Variants in CFAP97 observed in about 807,000 individuals in gnomAD.
CFAP97 encodes cilia- and flagella-associated protein 97.
In CFAP97, 36 loss-of-function variants were observed where a neutral mutation model predicts 43.1. The ratio of observed to expected loss-of-function variants is 0.84; its 90% CI spans 0.64 to 1.10. CFAP97 has a LOEUF of 1.10. Ranked by LOEUF, CFAP97 falls within the 50% of genes least tolerant of loss-of-function variation. The pLI is 0.00. For synonymous variants in CFAP97, 228 were observed against 225.7 expected (o/e 1.01, Z -0.09); for missense variants, 657 against 620.3 (o/e 1.06, Z -0.63).
intron 1 of CFAP97, among the ~76,000 whole-genome samples, chr4:185,197,828 T>G (rs1037031509): frequency 2.0e-5 from 3 of 152,226 alleles, no homozygotes; most frequent in Admixed American, 2.0e-4. Flanking sequence ...GAGGAAGGTA[T>G]GCTGAAAGTC....
intron 1 of CFAP97, among the ~76,000 whole-genome samples, chr4:185,197,061 T>C (rs1182234592): frequency 7.2e-6 from 1 of 138,966 alleles, no homozygotes; most frequent in African/African-American, 2.8e-5. Flanking sequence ...ATTTTGCCAC[T>C]GCACTCCATC....
intron 2 of CFAP97, among the ~76,000 whole-genome samples, chr4:185,178,505 A>G (rs899492143): frequency 7.2e-5 from 11 of 152,006 alleles, no homozygotes; most frequent in African/African-American, 2.7e-4. Context: ...TCGGCCTCCC[A>G]AAGTGCTGGG....
intron 2 of CFAP97, among the ~76,000 whole-genome samples, 181 bp from the exon 3 acceptor site, chr4:185,176,232 C>G (rs1169827057): frequency 1.3e-5 from 2 of 152,060 alleles, no homozygotes; most frequent in East Asian, 3.9e-4. Context: ...CCTGCCTCAG[C>G]CTCCAGACTA....
intron 1 of CFAP97, among the ~76,000 whole-genome samples, chr4:185,193,952 A>G (rs925980572): frequency 2.0e-5 from 3 of 152,156 alleles, no homozygotes; most frequent in Non-Finnish European, 2.9e-5. Context: ...AAGCTTCTGT[A>G]GATAAATATT....
chr4:185,180,336 T>C (rs1457635381), intron 2 of CFAP97, among the ~76,000 whole-genome samples: 1 of 152,132 alleles, frequency 6.6e-6, no homozygotes, highest in Non-Finnish European at 1.5e-5. Flanking sequence ...CCGAATACAT[T>C]CATATTGTGT....
At chr4:185,185,441 T>C (rs995746179) in intron 2 of CFAP97, among the ~76,000 whole-genome samples, 2 of 152,202 alleles carry the variant, frequency 1.3e-5, no homozygotes, top group African/African-American at 4.8e-5. Context: ...AACAATTCTG[T>C]CACTTCAAGG....
chr4:185,200,483 T>C (rs1736770939), intron 1 of CFAP97, among the ~76,000 whole-genome samples: 1 of 152,090 alleles, frequency 6.6e-6, no homozygotes. Flanking sequence ...CTACTAAAAA[T>C]ACAAAAATTA....
chr4:185,191,700 C>T (rs949383911), intron 1 of CFAP97, among the ~76,000 whole-genome samples: 4 of 152,016 alleles, frequency 2.6e-5, no homozygotes, highest in African/African-American at 4.8e-5. Context: ...CGTGATGGCA[C>T]GTGCCTGTAG....
At chr4:185,185,160 G>A (rs1735958196) in intron 2 of CFAP97, among the ~76,000 whole-genome samples, 3 of 151,074 alleles carry the variant, frequency 2.0e-5, no homozygotes, top group African/African-American at 7.3e-5. Context: ...TTTTTAACAC[G>A]TTTCCCATTT....
At chr4:185,205,509 T>C (rs1737149504), upstream of CFAP97, among the ~76,000 whole-genome samples, 3 of 151,946 alleles carry the variant, frequency 2.0e-5, no homozygotes, top group Admixed American at 2.0e-4. Flanking sequence ...TAAAACTGTG[T>C]TGGCACCACT....
intron 2 of CFAP97, among the ~76,000 whole-genome samples, chr4:185,184,561 T>C (rs539800583): frequency 7.9e-5 from 12 of 152,294 alleles, no homozygotes; most frequent in Admixed American, 2.6e-4. Flanking sequence ...AGACATCTCC[T>C]AGCAGCCTAA....
chr4:185,183,843 G>A (rs550908933), intron 2 of CFAP97, among the ~76,000 whole-genome samples: 1 of 152,194 alleles, frequency 6.6e-6, no homozygotes, highest in African/African-American at 2.4e-5. Flanking sequence ...CTTCTATCAG[G>A]GGTTCTTTAC....
intron 3 of CFAP97, among the ~76,000 whole-genome samples, chr4:185,171,259 G>C (rs1475878820): frequency 6.6e-6 from 1 of 152,026 alleles, no homozygotes; most frequent in Non-Finnish European, 1.5e-5. Context: ...CAGCTACTCG[G>C]GAGGCTGAGC....
intron 3 of CFAP97, among the ~76,000 whole-genome samples, chr4:185,173,052 G>A (rs1391159921): frequency 6.6e-6 from 1 of 151,284 alleles, no homozygotes; most frequent in Non-Finnish European, 1.5e-5. Flanking sequence ...TGGACTAATA[G>A]GATTTTTTAA....
intron 1 of CFAP97, among the ~76,000 whole-genome samples, chr4:185,203,251 T>G (rs1006625283): frequency 6.6e-6 from 1 of 152,210 alleles, no homozygotes; most frequent in Non-Finnish European, 1.5e-5. Flanking sequence ...CAAAGCTGCC[T>G]GAGAGTCACT....
chr4:185,190,433 AC>A lies in CFAP97; in HGVS notation c.763del (p.Val255Ter), dbSNP rs2111387849. The A allele has an allele frequency of 6.2e-7, 1 of 1,613,780 alleles. No homozygotes were observed. Among genetic ancestry groups the A allele is most frequent in the East Asian group, 2.2e-5 (1 of 44,880 alleles). On this transcript the variant is annotated frameshift_variant, in exon 2 of 5. Coordinates refer to ENST00000458385, the MANE Select transcript of CFAP97 (RefSeq NM_020827.3). LOFTEE classifies it high-confidence loss of function. ...PEESEDTVTD[V>X]SPLSTPDISP... The stretch of plus-strand genomic sequence containing the variant: ...AATGTCTGGAGTTGATAAGGGACTT[AC>A]GTCAGTCACAGTATCTTCAGACTCC...
Position 185,160,824 on chromosome 4 carries a change from T to C in CFAP97, c.*1974A>G, listed in dbSNP as rs1275058115. The C allele has an allele frequency of 6.7e-6, 1 of 148,208 alleles. No homozygotes were observed. Among genetic ancestry groups the C allele is most frequent in the Admixed American group, 6.8e-5 (1 of 14,806 alleles). 9.2% of individuals were successfully genotyped at this position (148,208 alleles called of 1,614,324 possible). A position where few individuals can be genotyped will look rare whatever the true frequency, so the allele number is the denominator to read the frequency against. On this transcript the variant is annotated 3_prime_UTR_variant, in exon 5 of 5. Coordinates refer to ENST00000458385, the MANE Select transcript of CFAP97 (RefSeq NM_020827.3). ...GCCATTATGAACAGAAAAGACTATATATAAATATATAATCTTTATATATAT... is the reference window on the plus strand; with the variant it reads ...GCCATTATGAACAGAAAAGACTATACATAAATATATAATCTTTATATATAT...
intron 1 of CFAP97, among the ~76,000 whole-genome samples, chr4:185,192,116 A>G (rs1269798389): frequency 2.0e-5 from 3 of 152,214 alleles, no homozygotes; most frequent in African/African-American, 7.2e-5. Flanking sequence ...GGAAGGAAGA[A>G]GCAGAGACAA....
At chr4:185,185,948 T>C (rs1272748880) in intron 2 of CFAP97, among the ~76,000 whole-genome samples, 1 of 152,108 alleles carries the variant, frequency 6.6e-6, no homozygotes, top group Non-Finnish European at 1.5e-5. Flanking sequence ...CTGCCAACAT[T>C]TGTAAGCTCA....
Sources: allele counts gnomAD v4.1 joint callset (sites outside exome capture counted in the v4.1 genomes callset), GRCh38; gene constraint gnomAD v4.1.1; transcripts MANE v1.5; gene names NCBI Gene and HGNC (gene_info 2026-07-23, HGNC 2026-07-21).